Variants in SLC41A1 observed in about 807,000 individuals in gnomAD.
SLC41A1 encodes the protein solute carrier family 41 (magnesium transporter), member 1.
Under a neutral mutation model 47.3 loss-of-function variants are expected in SLC41A1, and 20 were observed. The observed-to-expected ratio is 0.42, with a 90% CI of 0.30 to 0.61. The LOEUF (loss-of-function observed/expected upper bound fraction) is 0.61. SLC41A1 is among the 20% of genes least tolerant of loss of function. The pLI, the probability that SLC41A1 is intolerant of heterozygous loss-of-function variation, is 0.17. For missense variants in SLC41A1, 504 were observed against 674.1 expected (o/e 0.75, Z 2.79); for synonymous variants, 282 against 272.7 (o/e 1.03, Z -0.34).
chr1:205,793,057 C>T lies in SLC41A1; in HGVS notation c.1357-1339G>A, dbSNP rs781336867. On this transcript the variant is annotated intron_variant, in intron 10 of 10. Transcript: ENST00000367137. ...TGCACACAGCTGTCTTGTGCTACCA[C>T]GGCCTTGGCTCCCCTACCTTCCATA... Among the ~76,000 whole-genome samples, 16 of 152,290 alleles carry T rather than the reference C, an allele frequency of 1.1e-4. No homozygotes were observed. In the South Asian group the frequency reaches 2.1e-3, roughly 20 times the overall value.
chr1:205,806,935 G>A (rs1656027171), intron 2 of SLC41A1, among the ~76,000 whole-genome samples: 1 of 152,024 alleles, frequency 6.6e-6, no homozygotes, highest in Non-Finnish European at 1.5e-5. Context: ...CAGCAGCAAG[G>A]AAAGATGGGG....
At position 205,810,916 on chromosome 1, in the gene SLC41A1, C is replaced by T. The variant is rs888374450; in HGVS notation, c.-475G>A. Reference sequence around the variant, plus strand: ...CCAGCCTGGGGCTGCGGCTCCTTCCCGCTCCTTTGGCTGGGCTCTGTCAGC... The same window carrying T: ...CCAGCCTGGGGCTGCGGCTCCTTCCTGCTCCTTTGGCTGGGCTCTGTCAGC... On this transcript the variant is annotated 5_prime_UTR_variant, in exon 2 of 11. Transcript: ENST00000367137. The surrounding 1 kb of genome is among the most constrained non-coding windows in gnomAD (Gnocchi z 5.5). 1 of 181,704 alleles carries T rather than the reference C, an allele frequency of 5.5e-6. No individual in the cohort carries two copies. The highest frequency in any genetic ancestry group is 1.2e-5 in the Non-Finnish European group (1 of 85,260). 11.3% of individuals were successfully genotyped at this position (181,704 alleles called of 1,614,324 possible).
intron 9 of SLC41A1, 143 bp downstream of exon 9, chr1:205,795,201 G>T: frequency 6.8e-7 from 1 of 1,466,918 alleles, no homozygotes; most frequent in East Asian, 2.4e-5. Flanking sequence ...CCTCCTGCCT[G>T]GGCTCTGCCC....
intron 4 of SLC41A1, among the ~76,000 whole-genome samples, chr1:205,799,337 A>T (rs2102504488): frequency 6.6e-6 from 1 of 152,308 alleles, no homozygotes; most frequent in East Asian, 1.9e-4. Context: ...TGGCTGAATG[A>T]GTGTGCCTCT....
In SLC41A1 at chr1:205,810,757, T is replaced by C. The variant is rs1656132295; in HGVS notation, c.-316A>G. The C allele has an allele frequency of 5.0e-6, 2 of 402,528 alleles. No homozygotes were observed. The highest frequency in any genetic ancestry group is 9.4e-6 in the Non-Finnish European group (2 of 213,606). 24.9% of individuals were successfully genotyped at this position (402,528 alleles called of 1,614,324 possible). On this transcript the variant is annotated 5_prime_UTR_variant, in exon 2 of 11. Coordinates refer to ENST00000367137, the MANE Select transcript of SLC41A1 (RefSeq NM_173854.6). This position sits in a 1 kb window ranked among gnomAD's most constrained non-coding sequence, Gnocchi z 5.5. ...AAAGTATCTGTCCTCTTATCTTCTT[T>C]GGTTCTCAGTGGCAGGCTCCTCAGA...
At chr1:205,797,073 G>A in intron 7 of SLC41A1, 70 bp from the exon 8 acceptor site, 2 of 1,368,534 alleles carry the variant, frequency 1.5e-6, no homozygotes, top group Non-Finnish European at 2.1e-6. Flanking sequence ...TGGGATGAGA[G>A]GTCCAGGCCC....
At chr1:205,792,024 C>G (rs1022409277) in intron 10 of SLC41A1, among the ~76,000 whole-genome samples, 1 of 152,178 alleles carries the variant, frequency 6.6e-6, no homozygotes, top group African/African-American at 2.4e-5. Context: ...TGACCTAAAT[C>G]CTACTTGTTG....
At chr1:205,799,696 C>T (rs1655826686) in intron 4 of SLC41A1, 63 bp downstream of exon 4, 1 of 1,563,516 alleles carries the variant, frequency 6.4e-7, no homozygotes, top group Non-Finnish European at 8.8e-7. Flanking sequence ...CTGACCTAAG[C>T]CTTTCAGAGA....
Position 205,797,134 on chromosome 1 carries a change from C to A in SLC41A1, c.993-131G>T, listed in dbSNP as rs573863514. 22 of 790,702 alleles carry A rather than the reference C, an allele frequency of 2.8e-5. No homozygotes were observed. The African/African-American group carries it at 3.7e-4, about 13-fold the overall frequency. The allele number at this position is 790,702 out of a possible 1,614,324, so 49.0% of individuals were successfully genotyped here. ...CACCATGGCTCTCAGGAGTTCCTCA[C>A]CATCCAGTCCTTGCCTCCCTTGACA... On this transcript the variant is annotated intron_variant, in intron 7 of 10. Coordinates refer to ENST00000367137, the MANE Select transcript of SLC41A1 (RefSeq NM_173854.6).
intron 10 of SLC41A1, 26 bp downstream of exon 10, chr1:205,794,844 A>G (rs1288464788): frequency 6.2e-7 from 1 of 1,612,878 alleles, no homozygotes; most frequent in African/African-American, 1.3e-5. Flanking sequence ...GCTCCTTCCC[A>G]TGCCCCTGCT....
At chr1:205,805,214 G>A (rs1307949447) in intron 2 of SLC41A1, among the ~76,000 whole-genome samples, 2 of 152,150 alleles carry the variant, frequency 1.3e-5, no homozygotes, top group African/African-American at 4.8e-5. Context: ...GCAAAGCCCC[G>A]AGTTGGCACT....
rs1656129804 is a variant in SLC41A1 at position 205,810,657 on chromosome 1, C to G, written c.-216G>C. The stretch of plus-strand genomic sequence containing the variant: ...ACTGAAGCCGCAAGCTGGGAAGAAA[C>G]AAGAAATTCCTCACCAGACAGCCAC... On this transcript the variant is annotated 5_prime_UTR_variant, in exon 2 of 11. Transcript: ENST00000367137. This position sits in a 1 kb window ranked among gnomAD's most constrained non-coding sequence, Gnocchi z 5.5. The G allele has an allele frequency of 6.1e-6, 4 of 658,832 alleles. No individual in the cohort carries two copies. The highest frequency in any genetic ancestry group is 1.0e-5 in the Non-Finnish European group (4 of 391,300). 40.8% of individuals were successfully genotyped at this position (658,832 alleles called of 1,614,324 possible).
intron 1 of SLC41A1, among the ~76,000 whole-genome samples, chr1:205,812,077 T>G (rs1184432041): frequency 6.6e-6 from 1 of 152,220 alleles, no homozygotes; most frequent in East Asian, 1.9e-4. Context: ...TCTCTTTAGC[T>G]GTAATGGCTC....
At chr1:205,797,542 A>G (rs1655777353) in intron 7 of SLC41A1, among the ~76,000 whole-genome samples, 2 of 152,324 alleles carry the variant, frequency 1.3e-5, no homozygotes, top group Non-Finnish European at 1.5e-5. Flanking sequence ...GACTTTGTGG[A>G]ACTGTTGGGG....
intron 2 of SLC41A1, 90 bp from the exon 3 acceptor site, chr1:205,801,150 G>A: frequency 9.7e-7 from 1 of 1,028,012 alleles, no homozygotes; most frequent in Non-Finnish European, 1.5e-6. Flanking sequence ...GGGGCTCGAG[G>A]AGGAAATAGA....
intron 1 of SLC41A1, among the ~76,000 whole-genome samples, chr1:205,811,624 C>T (rs1656156517): frequency 6.6e-6 from 1 of 152,188 alleles, no homozygotes; most frequent in South Asian, 2.1e-4. Flanking sequence ...GTGAAGTCCC[C>T]CAGACCCCAG....
At chr1:205,792,125 C>T (rs1404920443) in intron 10 of SLC41A1, among the ~76,000 whole-genome samples, 1 of 152,194 alleles carries the variant, frequency 6.6e-6, no homozygotes, top group Non-Finnish European at 1.5e-5. Flanking sequence ...AGGAGCATGG[C>T]AGGGGGCTGG....
intron 2 of SLC41A1, among the ~76,000 whole-genome samples, chr1:205,803,472 T>C (rs936177131): frequency 1.3e-5 from 2 of 151,974 alleles, no homozygotes; most frequent in African/African-American, 4.8e-5. Context: ...GTGGTACATA[T>C]ATACCATGGA....
intron 2 of SLC41A1, among the ~76,000 whole-genome samples, chr1:205,807,811 C>T (rs1234264018): frequency 1.3e-5 from 2 of 149,026 alleles, no homozygotes; most frequent in Non-Finnish European, 1.5e-5. Context: ...AGAATGCCAC[C>T]ATGCCTGACT....
Sources: gnomAD v4.1 joint callset for allele counts (sites outside exome capture counted in the v4.1 genomes callset) on GRCh38, gnomAD v4.1.1 for gene constraint, Gnocchi (gnomAD v3.1) non-coding constraint, MANE v1.5 for transcripts, NCBI Gene and HGNC (gene_info 2026-07-23, HGNC 2026-07-21) for gene names.